C10orf90: variants seen among roughly 807,000 people sequenced by gnomAD.
C10orf90 encodes (E2-independent) E3 ubiquitin-conjugating enzyme FATS.
In C10orf90, 56 loss-of-function variants were observed where a neutral mutation model predicts 62.5. The observed-to-expected ratio is 0.90, with a 90% CI of 0.72 to 1.12. The LOEUF (loss-of-function observed/expected upper bound fraction) is 1.12, where lower values mean the gene tolerates loss of function less well. Among genes scored for constraint, C10orf90 ranks in the 50% most tolerant of loss-of-function variants. The pLI is 0.00. For synonymous variants in C10orf90, 386 were observed against 340.4 expected (o/e 1.13, Z -1.47); for missense variants, 970 against 880.4 (o/e 1.10, Z -1.29).
chr10:126,637,472 C>T (rs778548929), intron 2 of C10orf90, among the ~76,000 whole-genome samples: 5 of 152,232 alleles, frequency 3.3e-5, no homozygotes, highest in East Asian at 1.9e-4. Flanking sequence ...CCTGCTCTTG[C>T]GGAGCTTGTG....
chr10:126,587,307 A>G (rs1433543479), intron 2 of C10orf90, among the ~76,000 whole-genome samples: 5 of 152,264 alleles, frequency 3.3e-5, no homozygotes, highest in Non-Finnish European at 7.3e-5. Context: ...TCAGGCTGCC[A>G]TAACGAAACA....
At chr10:126,485,720 C>T (rs1277779638) in intron 4 of C10orf90, among the ~76,000 whole-genome samples, 1 of 151,530 alleles carries the variant, frequency 6.6e-6, no homozygotes, top group Non-Finnish European at 1.5e-5. Flanking sequence ...GTGGGCGGAT[C>T]ATGAGGTCAG....
At chr10:126,545,461 A>AT (rs1021335431) in intron 2 of C10orf90, among the ~76,000 whole-genome samples, 4 of 65,100 alleles carry the variant, frequency 6.1e-5, no homozygotes, top group Non-Finnish European at 1.5e-4. Flanking sequence ...TTAGTCACTG[A>AT]TTTAAAAAAA....
At chr10:126,480,021 G>C (rs533491452) in intron 4 of C10orf90, among the ~76,000 whole-genome samples, 1 of 152,210 alleles carries the variant, frequency 6.6e-6, no homozygotes, top group African/African-American at 2.4e-5. Flanking sequence ...GATACTGAAA[G>C]GTTTTTATTG....
chr10:126,513,704 A>C, intron 3 of C10orf90, 144 bp downstream of exon 3: 1 of 585,462 alleles, frequency 1.7e-6, no homozygotes, highest in Non-Finnish European at 3.0e-6. Flanking sequence ...AATTAAATCT[A>C]TAGCACGGTT....
chr10:126,562,185 G>C (rs1303828909), intron 2 of C10orf90, among the ~76,000 whole-genome samples: 1 of 152,178 alleles, frequency 6.6e-6, no homozygotes, highest in Non-Finnish European at 1.5e-5. Context: ...CCCTAATGGA[G>C]GGAGAATGCG....
In C10orf90 at chr10:126,459,034, G is replaced by C; in HGVS notation, c.2188+6C>G. 1 of 1,609,580 alleles carries C rather than the reference G, an allele frequency of 6.2e-7. No homozygotes were observed. The highest frequency in any genetic ancestry group is 8.5e-7 in the Non-Finnish European group (1 of 1,178,052). On this transcript the variant is annotated splice_donor_region_variant and intron_variant, in intron 7 of 9. Transcript: ENST00000488181. ...TTCCAGTCTCCACAAGCCACCTGCA[G>C]CTTACCACTCAGAGGATGGGGAATC... is the stretch of plus-strand genomic sequence containing the variant.
intron 2 of C10orf90, among the ~76,000 whole-genome samples, chr10:126,565,335 T>A (rs866944480): frequency 0.022 from 984 of 44,446 alleles, 23 homozygotes; most frequent in African/African-American, 0.087. Context: ...ATATTTATAT[T>A]ATATATAATA....
chr10:126,481,369 C>T (rs1861152580), intron 4 of C10orf90, among the ~76,000 whole-genome samples: 1 of 152,228 alleles, frequency 6.6e-6, no homozygotes. Flanking sequence ...CTGCAGTGCC[C>T]AACACCTAGA....
intron 2 of C10orf90, among the ~76,000 whole-genome samples, chr10:126,578,802 T>C (rs1844679673): frequency 6.6e-6 from 1 of 152,154 alleles, no homozygotes; most frequent in South Asian, 2.1e-4. Flanking sequence ...TACACAAATA[T>C]AATGTTGTGT....
intron 2 of C10orf90, among the ~76,000 whole-genome samples, chr10:126,539,263 T>C (rs1370110): frequency 0.65 from 99,203 of 152,100 alleles, 33,387 homozygotes; most frequent in African/African-American, 0.82. Flanking sequence ...GTGGAATCCA[T>C]GCTAGGGTTC....
intron 2 of C10orf90, among the ~76,000 whole-genome samples, chr10:126,600,460 G>A (rs769179107): frequency 3.3e-5 from 5 of 152,196 alleles, no homozygotes; most frequent in Non-Finnish European, 7.3e-5. Context: ...CAGATGTGGT[G>A]AGGACCTCAT....
intron 2 of C10orf90, among the ~76,000 whole-genome samples, chr10:126,634,283 C>T (rs1013466655): frequency 3.3e-5 from 5 of 152,122 alleles, no homozygotes. Context: ...CAAAACAATA[C>T]TATTCAGTTT....
intron 2 of C10orf90, among the ~76,000 whole-genome samples, chr10:126,584,741 G>A (rs756769185): frequency 3.9e-5 from 6 of 152,116 alleles, no homozygotes; most frequent in Non-Finnish European, 8.8e-5. Flanking sequence ...GAGGTTGGGG[G>A]TTGAGATACT....
At chr10:126,448,166 G>A (rs944637599) in intron 7 of C10orf90, among the ~76,000 whole-genome samples, 7 of 151,512 alleles carry the variant, frequency 4.6e-5, no homozygotes, top group African/African-American at 9.7e-5. Context: ...CACCGCACCC[G>A]GCCACATATC....
At chr10:126,574,003 AT>A (rs1752477733) in intron 2 of C10orf90, among the ~76,000 whole-genome samples, 1 of 152,224 alleles carries the variant, frequency 6.6e-6, no homozygotes, top group Non-Finnish European at 1.5e-5. Flanking sequence ...TCTAACAAAA[AT>A]GTATTATGTT....
At chr10:126,549,959 T>C (rs562163822) in intron 2 of C10orf90, among the ~76,000 whole-genome samples, 5 of 119,244 alleles carry the variant, frequency 4.2e-5, no homozygotes, top group African/African-American at 1.6e-4. Flanking sequence ...AAAGCTTTCT[T>C]TTTTTTTTTT....
Position 126,513,883 on chromosome 10 carries a change from A to G in C10orf90, c.370T>C (p.Ser124Pro). ...RDQIALKNLQSDVTEAKSDFT... is the reference protein window; with the variant it reads ...RDQIALKNLQPDVTEAKSDFT... ...TCAGATTTTGCCTCTGTGACATCAGACTGGAGATTTTTAAGGGCAATTTGA... is the reference window on the plus strand; with the variant it reads ...TCAGATTTTGCCTCTGTGACATCAGGCTGGAGATTTTTAAGGGCAATTTGA... Residue 124 changes from serine (S) to proline (P), a missense_variant, in exon 3 of 10, where the codon TCT (serine) becomes CCT (proline). Physicochemically the swap from Ser to Pro is moderately conservative, Grantham distance 74 (BLOSUM62 -1). Coordinates refer to ENST00000488181, the MANE Select transcript of C10orf90 (RefSeq NM_001350921.2). 1 of 1,613,336 alleles carries G rather than the reference A, an allele frequency of 6.2e-7. No homozygotes were observed. The highest frequency in any genetic ancestry group is 8.5e-7 in the Non-Finnish European group (1 of 1,179,450).
rs74158852 is a variant in C10orf90, at chr10:126,637,620, A to G, written c.313+8945T>C. ...GCTGGCTTCCAGAGGACATGCAGGT[A>G]AGGGGCTACAGGTCAGGTCGGTGAG... On this transcript the variant is annotated intron_variant, in intron 2 of 9. Transcript: ENST00000488181. Among the ~76,000 whole-genome samples, 509 of 152,314 alleles carry G rather than the reference A, an allele frequency of 3.3e-3. 3 individuals carry two copies. Among genetic ancestry groups the G allele is most frequent in the African/African-American group, 0.012 (497 of 41,562 alleles).
Sources: allele counts gnomAD v4.1 joint callset (sites outside exome capture counted in the v4.1 genomes callset), GRCh38; gene constraint gnomAD v4.1.1; transcripts MANE v1.5; gene names NCBI Gene and HGNC (gene_info 2026-07-23, HGNC 2026-07-21).